The following EYS variants were observed in gnomAD, a reference collection of about 807,000 sequenced individuals.
EYS encodes EGF-like photoreceptor maintenance factor.
In EYS, 250 loss-of-function variants were observed where a neutral mutation model predicts 282.1. The observed-to-expected ratio is 0.89, with a 90% CI of 0.80 to 0.98. The LOEUF (loss-of-function observed/expected upper bound fraction) is 0.98, where lower values mean the gene tolerates loss of function less well. Ranked by LOEUF, EYS falls within the 50% of genes least tolerant of loss-of-function variation. EYS has a pLI of 0.00. For synonymous variants in EYS, 1,355 were observed against 1,282.9 expected (o/e 1.06, Z -1.20); for missense variants, 4,016 against 3,709.0 (o/e 1.08, Z -2.15).
At chr6:64,600,783 G>C (rs1369584223) in intron 24 of EYS, among the ~76,000 whole-genome samples, 2 of 152,042 alleles carry the variant, frequency 1.3e-5, no homozygotes, top group Non-Finnish European at 2.9e-5. Flanking sequence ...AAAAAACTAA[G>C]AGAAACATAT....
intron 26 of EYS, among the ~76,000 whole-genome samples, chr6:64,451,555 A>T (rs1226371211): frequency 3.3e-5 from 5 of 152,262 alleles, no homozygotes; most frequent in African/African-American, 1.2e-4. Flanking sequence ...AGACACAACA[A>T]AAAAAGAGAA....
At chr6:63,856,522 T>A (rs554348229) in intron 36 of EYS, among the ~76,000 whole-genome samples, 15 of 152,294 alleles carry the variant, frequency 9.8e-5, no homozygotes, top group African/African-American at 3.6e-4. Flanking sequence ...TAGTGAATAG[T>A]CTGTTCTCTG....
At chr6:65,523,313 T>G (rs553271974) in intron 2 of EYS, among the ~76,000 whole-genome samples, 5 of 151,958 alleles carry the variant, frequency 3.3e-5, no homozygotes, top group East Asian at 1.9e-4. Context: ...CACACAAACA[T>G]AGAGAGACAG....
chr6:64,545,637 A>C (rs531427662), intron 26 of EYS, among the ~76,000 whole-genome samples: 1 of 152,338 alleles, frequency 6.6e-6, no homozygotes, highest in Non-Finnish European at 1.5e-5. Context: ...GTCTCAGCCC[A>C]AAATCTCCTC....
chr6:65,389,093 A>T (rs906861414), intron 7 of EYS, among the ~76,000 whole-genome samples: 10 of 152,128 alleles, frequency 6.6e-5, no homozygotes, highest in African/African-American at 2.2e-4. Context: ...GTCTCTTTGC[A>T]TGTGCCCTTG....
rs536558390 is a variant in EYS, at chr6:64,642,427, A to G, written c.3444-16182T>C. ...TATTTCTCCATGGTTATATACACAT[A>G]TTTTCCTATACTTACAATCGATATA... is the stretch of plus-strand genomic sequence containing the variant. On this transcript the variant is annotated intron_variant, in intron 22 of 42. Transcript: ENST00000503581. 2.6e-5 allele frequency among the ~76,000 whole-genome samples: 4 copies of G among 152,234 alleles called. No individual in the cohort carries two copies. The East Asian group carries it at 5.8e-4, about 22-fold the overall frequency.
chr6:63,957,429 C>T (rs1765873994), intron 35 of EYS, among the ~76,000 whole-genome samples: 1 of 140,418 alleles, frequency 7.1e-6, no homozygotes, highest in South Asian at 2.3e-4. Flanking sequence ...TGCCAAAATG[C>T]TACCAGTATT....
At chr6:64,731,164 A>G (rs979083282) in intron 22 of EYS, among the ~76,000 whole-genome samples, 3 of 152,138 alleles carry the variant, frequency 2.0e-5, no homozygotes, top group Admixed American at 2.0e-4. Flanking sequence ...AATACATAAA[A>G]CCATAAAAAC....
chr6:64,179,845 T>C (rs1218109009), intron 31 of EYS, among the ~76,000 whole-genome samples: 1 of 152,126 alleles, frequency 6.6e-6, no homozygotes, highest in Non-Finnish European at 1.5e-5. Context: ...GATTTTTGTC[T>C]ACTTTGCACA....
chr6:65,509,163 CAGA>C (rs1766773604), intron 2 of EYS, among the ~76,000 whole-genome samples: 2 of 152,156 alleles, frequency 1.3e-5, no homozygotes, highest in African/African-American at 4.8e-5. Context: ...GATTGGATGA[CAGA>C]AGAATGCCAG....
chr6:65,458,175 C>T (rs1764697729), intron 5 of EYS, among the ~76,000 whole-genome samples: 1 of 152,186 alleles, frequency 6.6e-6, no homozygotes, highest in African/African-American at 2.4e-5. Flanking sequence ...TTATCCTCTA[C>T]TCTTGTCATT....
intron 28 of EYS, among the ~76,000 whole-genome samples, chr6:64,409,985 T>C (rs1157822910): frequency 1.3e-5 from 2 of 152,106 alleles, no homozygotes; most frequent in African/African-American, 4.8e-5. Flanking sequence ...AGCACTACCT[T>C]TAAAAGTAAC....
chr6:64,316,157 C>A (rs546642180), intron 29 of EYS, among the ~76,000 whole-genome samples: 1 of 152,158 alleles, frequency 6.6e-6, no homozygotes, highest in Admixed American at 6.5e-5. Context: ...AGAACCGGCA[C>A]AAGACAAGGA....
At chr6:65,246,763 T>C (rs886304380) in intron 12 of EYS, among the ~76,000 whole-genome samples, 2 of 152,118 alleles carry the variant, frequency 1.3e-5, no homozygotes, top group Non-Finnish European at 2.9e-5. Flanking sequence ...CGTTCTTCAA[T>C]CAAAAACTTT....
At chr6:64,532,190 T>A (rs1424102167) in intron 26 of EYS, among the ~76,000 whole-genome samples, 2 of 152,168 alleles carry the variant, frequency 1.3e-5, no homozygotes, top group East Asian at 3.9e-4. Context: ...GAGAATGATG[T>A]TCTAGAGTTT....
intron 13 of EYS, among the ~76,000 whole-genome samples, chr6:65,050,474 C>G (rs1219859155): frequency 6.6e-6 from 1 of 151,316 alleles, no homozygotes; most frequent in Non-Finnish European, 1.5e-5. Context: ...ATTTATTTGA[C>G]CACTCCTCCA....
At chr6:63,981,574 T>C (rs1582074369) in intron 35 of EYS, among the ~76,000 whole-genome samples, 1 of 151,836 alleles carries the variant, frequency 6.6e-6, no homozygotes, top group East Asian at 1.9e-4. Context: ...GAAGAAGTGT[T>C]ATACTTAATG....
chr6:64,053,384 T>A (rs1289014759), intron 33 of EYS, among the ~76,000 whole-genome samples: 1 of 152,110 alleles, frequency 6.6e-6, no homozygotes, highest in African/African-American at 2.4e-5. Context: ...CATAAGAAAA[T>A]TTTGAATATT....
chr6:65,056,774 AATT>A (rs1472276327), intron 13 of EYS, among the ~76,000 whole-genome samples: 1 of 152,092 alleles, frequency 6.6e-6, no homozygotes, highest in Non-Finnish European at 1.5e-5. Flanking sequence ...ATAATTAAAC[AATT>A]ATTATTAATT....
Sources: gnomAD v4.1 joint callset for allele counts (sites outside exome capture counted in the v4.1 genomes callset) on GRCh38, gnomAD v4.1.1 for gene constraint, MANE v1.5 for transcripts, NCBI Gene and HGNC (gene_info 2026-07-23, HGNC 2026-07-21) for gene names.